Variants in DEPDC1B observed in about 807,000 individuals in gnomAD.
DEPDC1B encodes DEP domain-containing protein 1B.
In DEPDC1B, 51 loss-of-function variants were observed where a neutral mutation model predicts 66.5. The ratio of observed to expected loss-of-function variants is 0.77; its 90% CI spans 0.61 to 0.97. The LOEUF (loss-of-function observed/expected upper bound fraction) is 0.97, where lower values mean the gene tolerates loss of function less well. DEPDC1B is among the 50% of genes least tolerant of loss of function. DEPDC1B has a pLI of 0.00. For missense variants in DEPDC1B, 552 were observed against 637.1 expected, an observed-to-expected ratio of 0.87 and a Z score of 1.44; for synonymous variants, 226 against 223.6, an observed-to-expected ratio of 1.01 and a Z score of -0.10.
intron 6 of DEPDC1B, 81 bp from the exon 7 acceptor site, chr5:60,638,971 G>A (rs562905475): frequency 5.7e-5 from 84 of 1,467,664 alleles, no homozygotes; most frequent in East Asian, 1.4e-4. Context: ...TATGTGTGGC[G>A]TGTACAGATA....
chr5:60,610,755 G>C (rs1035363051), intron 7 of DEPDC1B, among the ~76,000 whole-genome samples: 9 of 152,262 alleles, frequency 5.9e-5, no homozygotes, highest in Middle Eastern at 3.4e-3. Context: ...TGAGTCACTG[G>C]AAGATTTTCA....
rs183731938 is a variant in DEPDC1B, at chr5:60,675,771, C to A, written c.314+11191G>T. Among the ~76,000 whole-genome samples the A allele has an allele frequency of 3.3e-5, 5 of 152,288 alleles. No homozygotes were observed. The East Asian group carries it at 9.6e-4, about 29-fold the overall frequency. ...TAGGCAATATCGCTTTCACCAGTTA[C>A]CTTAAACGCCTCACCAGCTTCTCTG... On this transcript the variant is annotated intron_variant, in intron 2 of 10. Coordinates refer to ENST00000265036, the MANE Select transcript of DEPDC1B (RefSeq NM_018369.3).
At chr5:60,695,387 G>A (rs1212698732) in intron 1 of DEPDC1B, among the ~76,000 whole-genome samples, 1 of 152,086 alleles carries the variant, frequency 6.6e-6, no homozygotes, top group Non-Finnish European at 1.5e-5. Flanking sequence ...GAGAGAGTGA[G>A]GGACAGGGTG....
At chr5:60,623,877 C>T (rs1298539032) in intron 7 of DEPDC1B, among the ~76,000 whole-genome samples, 3 of 151,992 alleles carry the variant, frequency 2.0e-5, no homozygotes, top group Admixed American at 6.6e-5. Flanking sequence ...ATCCTGCTTC[C>T]TTGTTAAGTT....
chr5:60,623,661 CTCCAGT>C (rs1254704253), intron 7 of DEPDC1B, among the ~76,000 whole-genome samples: 1 of 152,104 alleles, frequency 6.6e-6, no homozygotes, highest in Non-Finnish European at 1.5e-5. Flanking sequence ...TAGTATGTCT[CTCCAGT>C]TATTTAAGTC....
intron 2 of DEPDC1B, among the ~76,000 whole-genome samples, chr5:60,659,641 A>G (rs985809822): frequency 6.6e-6 from 1 of 152,176 alleles, no homozygotes; most frequent in African/African-American, 2.4e-5. Flanking sequence ...CTATTCAACC[A>G]GCCGCCCATG....
intron 2 of DEPDC1B, among the ~76,000 whole-genome samples, chr5:60,668,521 C>T (rs961172224): frequency 6.6e-6 from 1 of 151,810 alleles, no homozygotes; most frequent in Non-Finnish European, 1.5e-5. Flanking sequence ...GGTGATCCGC[C>T]TGCCTCGGCC....
At chr5:60,634,803 T>G (rs1179499049) in intron 7 of DEPDC1B, among the ~76,000 whole-genome samples, 1 of 152,114 alleles carries the variant, frequency 6.6e-6, no homozygotes. Flanking sequence ...CTAACTCCAC[T>G]TTATTCTGAC....
chr5:60,636,351 C>T (rs1317209749), intron 7 of DEPDC1B, among the ~76,000 whole-genome samples: 1 of 152,206 alleles, frequency 6.6e-6, no homozygotes, highest in Non-Finnish European at 1.5e-5. Flanking sequence ...TAACTGCTCT[C>T]ATACAGCTTT....
chr5:60,642,396 T>C (rs577324881), intron 6 of DEPDC1B, among the ~76,000 whole-genome samples: 1 of 152,220 alleles, frequency 6.6e-6, no homozygotes, highest in Admixed American at 6.5e-5. Flanking sequence ...TTCAATGATA[T>C]GGAAATCACA....
chr5:60,672,158 T>C (rs1050835799), intron 2 of DEPDC1B, among the ~76,000 whole-genome samples: 1 of 152,236 alleles, frequency 6.6e-6, no homozygotes, highest in Non-Finnish European at 1.5e-5. Flanking sequence ...GGAACACTTA[T>C]TTGCTTGTTG....
At chr5:60,608,526 T>C (rs1333532641) in intron 7 of DEPDC1B, among the ~76,000 whole-genome samples, 6 of 149,700 alleles carry the variant, frequency 4.0e-5, no homozygotes, top group Non-Finnish European at 1.5e-5. Context: ...TTTGAAGTTA[T>C]GCAACAATAT....
At chr5:60,681,392 T>C (rs1455165864) in intron 2 of DEPDC1B, among the ~76,000 whole-genome samples, 2 of 152,200 alleles carry the variant, frequency 1.3e-5, no homozygotes, top group East Asian at 1.9e-4. Context: ...CAGACACCAC[T>C]GGCATTGATT....
At chr5:60,617,105 C>G (rs184330886) in intron 7 of DEPDC1B, among the ~76,000 whole-genome samples, 3,265 of 152,216 alleles carry the variant, frequency 0.021, 59 homozygotes, top group Non-Finnish European at 0.032. Context: ...TTTGTCACCA[C>G]CAGGCCTGCC....
chr5:60,627,600 AG>A (rs1752833014), intron 7 of DEPDC1B, among the ~76,000 whole-genome samples: 1 of 152,126 alleles, frequency 6.6e-6, no homozygotes, highest in Admixed American at 6.5e-5. Flanking sequence ...GAAAATGACA[AG>A]GGCCTCTGTT....
intron 2 of DEPDC1B, among the ~76,000 whole-genome samples, chr5:60,663,372 AG>A (rs958483388): frequency 6.6e-6 from 1 of 152,218 alleles, no homozygotes; most frequent in African/African-American, 2.4e-5. Context: ...CTCCAATTTT[AG>A]GAGTACAGAA....
intron 2 of DEPDC1B, among the ~76,000 whole-genome samples, chr5:60,654,757 G>A (rs1753538397): frequency 6.7e-6 from 1 of 148,842 alleles, no homozygotes; most frequent in South Asian, 2.2e-4. Flanking sequence ...AGTGTTGGCT[G>A]TGGGTATGTC....
chr5:60,644,218 A>G (rs779053986), intron 5 of DEPDC1B, among the ~76,000 whole-genome samples: 4 of 152,184 alleles, frequency 2.6e-5, no homozygotes, highest in Non-Finnish European at 4.4e-5. Flanking sequence ...TGGCTGTTAT[A>G]TGGTTCTTTT....
Position 60,648,315 on chromosome 5 carries a change from A to C in DEPDC1B, c.315-782T>G, listed in dbSNP as rs1040890970. Among the ~76,000 whole-genome samples the C allele has an allele frequency of 9.9e-5, 15 of 152,278 alleles. No individual in the cohort carries two copies. The East Asian group carries it at 2.9e-3, about 29-fold the overall frequency. On this transcript the variant is annotated intron_variant, in intron 2 of 10. Coordinates refer to ENST00000265036, the MANE Select transcript of DEPDC1B (RefSeq NM_018369.3). ...AAGCAGACTTCATTAGTTTCCCCATAAATTTACCTTCCCACACCTTCCTGC... is the reference window on the plus strand; with the variant it reads ...AAGCAGACTTCATTAGTTTCCCCATCAATTTACCTTCCCACACCTTCCTGC...
Sources: gnomAD v4.1 joint callset for allele counts (sites outside exome capture counted in the v4.1 genomes callset) on GRCh38, gnomAD v4.1.1 for gene constraint, MANE v1.5 for transcripts, NCBI Gene and HGNC (gene_info 2026-07-23, HGNC 2026-07-21) for gene names.